TTC17: variants seen among roughly 807,000 people sequenced by gnomAD.
TTC17 encodes the protein tetratricopeptide repeat protein 17.
In TTC17, 58 loss-of-function variants were observed where a neutral mutation model predicts 143.8. The ratio of observed to expected loss-of-function variants is 0.40; its 90% CI spans 0.33 to 0.50. The LOEUF (loss-of-function observed/expected upper bound fraction) is 0.50. TTC17 is among the 20% of genes least tolerant of loss of function. The probability of loss-of-function intolerance (pLI) is 0.49; values close to 1 mark genes in which losing one functional copy is unlikely to be tolerated. For synonymous variants in TTC17, 501 were observed against 497.8 expected (o/e 1.01, Z -0.09); for missense variants, 1,273 against 1,392.5 (o/e 0.91, Z 1.37).
chr11:43,381,392 C>A (rs893799819), intron 2 of TTC17, among the ~76,000 whole-genome samples: 1 of 152,094 alleles, frequency 6.6e-6, no homozygotes, highest in African/African-American at 2.4e-5. Flanking sequence ...CAGGAGCAGA[C>A]TATAGTAGTG....
intron 15 of TTC17, among the ~76,000 whole-genome samples, chr11:43,409,727 C>T (rs564030564): frequency 6.6e-6 from 1 of 152,312 alleles, no homozygotes; most frequent in East Asian, 1.9e-4. Flanking sequence ...TCGTGTTATA[C>T]TACCTCTGAA....
Position 43,461,111 on chromosome 11 carries a change from G to A in TTC17, c.3030+9846G>A, listed in dbSNP as rs573819741. Among the ~76,000 whole-genome samples the A allele has an allele frequency of 1.8e-4, 28 of 152,274 alleles. No individual in the cohort carries two copies. The South Asian group carries it at 5.0e-3, about 27-fold the overall frequency. ...GATAAAAACTAGAAGCCGGCCGGGC[G>A]CGGTGGCTCACGCCTGTAATCCCAG... On this transcript the variant is annotated intron_variant, in intron 21 of 23. Coordinates refer to ENST00000039989, the MANE Select transcript of TTC17 (RefSeq NM_018259.6).
At chr11:43,454,970 A>G (rs1051341087) in intron 21 of TTC17, among the ~76,000 whole-genome samples, 1 of 151,932 alleles carries the variant, frequency 6.6e-6, no homozygotes, top group Non-Finnish European at 1.5e-5. Flanking sequence ...TATAGAAAAT[A>G]CATCTTTTTG....
chr11:43,419,780 C>T (rs982080752), intron 16 of TTC17, among the ~76,000 whole-genome samples: 1 of 152,128 alleles, frequency 6.6e-6, no homozygotes, highest in Non-Finnish European at 1.5e-5. Context: ...TAGCTTCTAA[C>T]TCCTGGCTCA....
chr11:43,412,186 C>T (rs1858444436), intron 15 of TTC17, among the ~76,000 whole-genome samples: 1 of 152,068 alleles, frequency 6.6e-6, no homozygotes, highest in Non-Finnish European at 1.5e-5. Flanking sequence ...TTTACAATAG[C>T]ATCAAGAAAA....
At position 43,409,959 on chromosome 11, in the gene TTC17, A is replaced by T. The variant is rs538748660; in HGVS notation, c.2064+2382A>T. ...CAGGTTCAAGCTCTTCTCGTGCCTC[A>T]GACTCTGGAGTAGTTGGGATTTCAG... is the stretch of plus-strand genomic sequence containing the variant. On this transcript the variant is annotated intron_variant, in intron 15 of 23. Coordinates refer to ENST00000039989, the MANE Select transcript of TTC17 (RefSeq NM_018259.6). 2.6e-5 allele frequency among the ~76,000 whole-genome samples: 4 copies of T among 151,742 alleles called. No individual in the cohort carries two copies. The South Asian group carries it at 8.3e-4, about 32-fold the overall frequency.
intron 21 of TTC17, among the ~76,000 whole-genome samples, chr11:43,486,624 G>A (rs1247094464): frequency 2.0e-5 from 3 of 152,138 alleles, no homozygotes; most frequent in East Asian, 1.9e-4. Context: ...GTAAGAACAC[G>A]TAAGTAAATA....
chr11:43,477,859 A>G (rs955281411), intron 21 of TTC17, among the ~76,000 whole-genome samples: 2 of 152,310 alleles, frequency 1.3e-5, no homozygotes, highest in African/African-American at 4.8e-5. Flanking sequence ...AAGTCTCTCT[A>G]GGAATATTAC....
chr11:43,483,707 TCAAC>T (rs1187700079), intron 21 of TTC17, among the ~76,000 whole-genome samples: 1 of 152,162 alleles, frequency 6.6e-6, no homozygotes, highest in African/African-American at 2.4e-5. Flanking sequence ...GTGAAAATAA[TCAAC>T]AAAACATCTA....
intron 21 of TTC17, among the ~76,000 whole-genome samples, chr11:43,462,413 T>A (rs1466985149): frequency 6.6e-6 from 1 of 152,182 alleles, no homozygotes; most frequent in Non-Finnish European, 1.5e-5. Flanking sequence ...GACTTAATCC[T>A]GAAGAGTAGA....
chr11:43,431,861 G>A (rs1947167011), intron 16 of TTC17, among the ~76,000 whole-genome samples: 1 of 152,220 alleles, frequency 6.6e-6, no homozygotes, highest in Non-Finnish European at 1.5e-5. Flanking sequence ...TGTAGATGAG[G>A]AAAACGATTC....
chr11:43,443,352 C>T lies in TTC17; in HGVS notation c.2279C>T (p.Ser760Phe). 6.2e-7 allele frequency: 1 copy of T among 1,613,976 alleles called. No individual in the cohort carries two copies. The highest frequency in any genetic ancestry group is 8.5e-7 in the Non-Finnish European group (1 of 1,179,980). Residue 760 changes from serine (S) to phenylalanine (F), a missense_variant, in exon 17 of 24, where the codon TCT (serine) becomes TTT (phenylalanine). Ser to Phe is a radical substitution (Grantham distance 155, BLOSUM62 -2). Coordinates refer to ENST00000039989, the MANE Select transcript of TTC17 (RefSeq NM_018259.6). ...ACGGTGGTTGAGGAGAGCAATGGTT[C>T]TGATGAGATGGAGAATTCAGATGAA... ...SGTVVEESNG[S>F]DEMENSDETK...
intron 7 of TTC17, 121 bp downstream of exon 7, chr11:43,397,612 A>G: frequency 8.5e-7 from 1 of 1,175,682 alleles, no homozygotes; most frequent in Non-Finnish European, 1.2e-6. Context: ...AACGATGGAA[A>G]TGAAATTAGG....
At chr11:43,424,598 C>G (rs951540443) in intron 16 of TTC17, among the ~76,000 whole-genome samples, 1 of 151,782 alleles carries the variant, frequency 6.6e-6, no homozygotes, top group African/African-American at 2.4e-5. Context: ...GGCGAAACCC[C>G]ATCTTTACTA....
At chr11:43,465,006 C>T (rs963855262) in intron 21 of TTC17, among the ~76,000 whole-genome samples, 7 of 152,284 alleles carry the variant, frequency 4.6e-5, no homozygotes, top group Middle Eastern at 6.8e-3. Flanking sequence ...GAGTTCAAGA[C>T]CCAGCAGTGA....
intron 16 of TTC17, among the ~76,000 whole-genome samples, chr11:43,428,991 G>A (rs987393641): frequency 5.3e-5 from 8 of 152,128 alleles, no homozygotes; most frequent in African/African-American, 1.9e-4. Context: ...TCATTCAGCA[G>A]TAATTACTGA....
chr11:43,490,488 C>T (rs1948454794), intron 22 of TTC17, 130 bp downstream of exon 22: 9 of 1,354,900 alleles, frequency 6.6e-6, no homozygotes, highest in Non-Finnish European at 8.7e-6. Flanking sequence ...GAGAATGGGG[C>T]AGGAGACCTT....
At chr11:43,395,953 G>C (rs942936354) in intron 5 of TTC17, among the ~76,000 whole-genome samples, 8 of 151,934 alleles carry the variant, frequency 5.3e-5, no homozygotes, top group Admixed American at 5.2e-4. Context: ...GGGAGTCAAA[G>C]GGTAAATGTA....
At position 43,385,261 on chromosome 11, in the gene TTC17, G is replaced by A. The variant is rs372036018; in HGVS notation, c.250-4391G>A. Among the ~76,000 whole-genome samples the A allele has an allele frequency of 4.6e-5, 7 of 152,240 alleles. No homozygotes were observed. In the South Asian group the frequency reaches 6.2e-4, roughly 14 times the overall value. On this transcript the variant is annotated intron_variant, in intron 2 of 23. Coordinates refer to ENST00000039989, the MANE Select transcript of TTC17 (RefSeq NM_018259.6). ...GGAGCGAGTATGCCCTAAATTGAAC[G>A]AAGATAACATACAGTGTTTTCAAGT...
Sources: gnomAD v4.1 joint callset for allele counts (sites outside exome capture counted in the v4.1 genomes callset) on GRCh38, gnomAD v4.1.1 for gene constraint, MANE v1.5 for transcripts, NCBI Gene and HGNC (gene_info 2026-07-23, HGNC 2026-07-21) for gene names.